The following ABI3BP variants were observed in gnomAD, a reference collection of about 807,000 sequenced individuals.
ABI3BP encodes the protein target of Nesh-SH3.
In ABI3BP, 216 loss-of-function variants were observed where a neutral mutation model predicts 268.6. The observed-to-expected ratio is 0.80, with a 90% CI of 0.72 to 0.90. The LOEUF (loss-of-function observed/expected upper bound fraction) is 0.90, where lower values mean the gene tolerates loss of function less well. ABI3BP is among the 40% of genes least tolerant of loss of function. The pLI, the probability that ABI3BP is intolerant of heterozygous loss-of-function variation, is 0.00. For missense variants in ABI3BP, 2,090 were observed against 2,182.4 expected (o/e 0.96, Z 0.84); for synonymous variants, 730 against 730.0 (o/e 1.00, Z 0.00).
At chr3:100,985,252 C>T (rs752338500) in intron 1 of ABI3BP, among the ~76,000 whole-genome samples, 27 of 148,404 alleles carry the variant, frequency 1.8e-4, no homozygotes, top group Non-Finnish European at 2.8e-4. Context: ...CGGGTTCAAG[C>T]GATTCTCCTG....
chr3:100,864,583 A>G, intron 11 of ABI3BP: 1 of 469,598 alleles, frequency 2.1e-6, no homozygotes, highest in Non-Finnish European at 3.8e-6. Flanking sequence ...CTGGTTAAAA[A>G]GGGCATTTAG....
intron 61 of ABI3BP, among the ~76,000 whole-genome samples, 160 bp downstream of exon 61, chr3:100,774,445 C>T (rs900731887): frequency 9.2e-5 from 14 of 152,140 alleles, no homozygotes; most frequent in African/African-American, 3.4e-4. Flanking sequence ...TATCCTAGAT[C>T]AGCTGACACC....
At chr3:100,867,430 A>G (rs2099063037) in intron 9 of ABI3BP, among the ~76,000 whole-genome samples, 2 of 151,944 alleles carry the variant, frequency 1.3e-5, no homozygotes, top group Non-Finnish European at 2.9e-5. Flanking sequence ...TCACGAGGTC[A>G]GGAGATTGAG....
intron 2 of ABI3BP, among the ~76,000 whole-genome samples, chr3:100,907,874 G>T (rs959927536): frequency 1.3e-5 from 2 of 152,100 alleles, no homozygotes; most frequent in Admixed American, 6.5e-5. Context: ...CCAGCACTTT[G>T]GGAGGCCTAG....
intron 1 of ABI3BP, among the ~76,000 whole-genome samples, chr3:100,989,430 T>C (rs1432261897): frequency 7.2e-5 from 11 of 152,208 alleles, no homozygotes; most frequent in Non-Finnish European, 7.3e-5. Context: ...TAGTTATTAA[T>C]AGCTATGGCA....
intron 55 of ABI3BP, among the ~76,000 whole-genome samples, chr3:100,792,440 T>G (rs2097221216): frequency 6.6e-6 from 1 of 151,694 alleles, no homozygotes; most frequent in Non-Finnish European, 1.5e-5. Flanking sequence ...GATCTTCCAC[T>G]CTTAGTTATA....
At chr3:100,798,726 T>A (rs919598051) in intron 51 of ABI3BP, among the ~76,000 whole-genome samples, 3 of 113,716 alleles carry the variant, frequency 2.6e-5, no homozygotes, top group Non-Finnish European at 4.6e-5. Context: ...AATGTTTTGA[T>A]AGAGTTAGAA....
Position 100,867,412 on chromosome 3 carries a change from C to A in ABI3BP, c.911-456G>T, listed in dbSNP as rs529761634. On this transcript the variant is annotated intron_variant, in intron 9 of 67. Coordinates refer to ENST00000471714, the MANE Select transcript of ABI3BP (RefSeq NM_001375547.2). ...ATCCCAGCACTTTGGGAGGCAGAGGCGGGTGGATCACGAGGTCAGGAGATT... is the reference window on the plus strand; with the variant it reads ...ATCCCAGCACTTTGGGAGGCAGAGGAGGGTGGATCACGAGGTCAGGAGATT... Among the ~76,000 whole-genome samples, 73 of 151,956 alleles carry A rather than the reference C, an allele frequency of 4.8e-4. No individual in the cohort carries two copies. In the South Asian group the frequency reaches 0.014, roughly 29 times the overall value.
At chr3:100,887,291 T>G (rs1165519130) in intron 4 of ABI3BP, among the ~76,000 whole-genome samples, 2 of 152,078 alleles carry the variant, frequency 1.3e-5, no homozygotes, top group Non-Finnish European at 2.9e-5. Context: ...CATGTATCAA[T>G]GTGGATAGAT....
chr3:100,961,334 A>C (rs12630679), intron 1 of ABI3BP, among the ~76,000 whole-genome samples: 46,013 of 152,120 alleles, frequency 0.3, 7,619 homozygotes, highest in East Asian at 0.5. Flanking sequence ...GCTCTCTCCC[A>C]GGGCTCAGGT....
At chr3:100,924,960 T>C (rs1217458988) in intron 2 of ABI3BP, among the ~76,000 whole-genome samples, 1 of 152,204 alleles carries the variant, frequency 6.6e-6, no homozygotes, top group Admixed American at 6.6e-5. Context: ...AACACACGGC[T>C]TCCGGTCACT....
At chr3:100,887,391 T>C (rs1314284071) in intron 4 of ABI3BP, among the ~76,000 whole-genome samples, 4 of 152,122 alleles carry the variant, frequency 2.6e-5, no homozygotes, top group Non-Finnish European at 4.4e-5. Flanking sequence ...GTATGAAATA[T>C]GTTACCAAAT....
At chr3:100,763,964 C>T (rs1165380660) in intron 63 of ABI3BP, among the ~76,000 whole-genome samples, 1 of 152,160 alleles carries the variant, frequency 6.6e-6, no homozygotes, top group African/African-American at 2.4e-5. Flanking sequence ...CAATTACCAC[C>T]CTTCAGAGTC....
chr3:100,821,811 C>T (rs1169947568), intron 38 of ABI3BP, among the ~76,000 whole-genome samples: 1 of 151,878 alleles, frequency 6.6e-6, no homozygotes, highest in East Asian at 1.9e-4. Flanking sequence ...CCATCTTGGC[C>T]AGGCTGGTCT....
chr3:100,778,704 C>A, intron 58 of ABI3BP: 11 of 241,416 alleles, frequency 4.6e-5, no homozygotes, highest in South Asian at 2.2e-4. Flanking sequence ...TTAAAAACCA[C>A]AATAAAAATA....
chr3:100,778,331 C>G lies in ABI3BP; in HGVS notation c.4286G>C (p.Arg1429Thr). The G allele has an allele frequency of 6.2e-7, 1 of 1,613,636 alleles. No homozygotes were observed. The highest frequency in any genetic ancestry group is 8.5e-7 in the Non-Finnish European group (1 of 1,179,766). The change falls in exon 59 of 68, where the codon AGA (arginine) becomes ACA (threonine). Residue 1429 changes from arginine (R) to threonine (T), a missense_variant. Physicochemically the swap from Arg to Thr is moderately conservative, Grantham distance 71. Transcript: ENST00000471714. The stretch of plus-strand genomic sequence containing the variant: ...GACATTATTTGGTGGTAAAGGTTTT[C>G]TTCGTGGGTGTGTAGGTCTGGGTGG... Reference protein sequence around the residue: ...PLPPRPTHPRRKPLPPNNVTG... With the variant: ...PLPPRPTHPRTKPLPPNNVTG...
At chr3:100,897,363 T>G (rs947350526) in intron 4 of ABI3BP, among the ~76,000 whole-genome samples, 2 of 152,088 alleles carry the variant, frequency 1.3e-5, no homozygotes, top group African/African-American at 4.8e-5. Flanking sequence ...CACCAAAATT[T>G]TATGCGAAAA....
At chr3:100,851,346 A>G (rs1443795285) in intron 15 of ABI3BP, among the ~76,000 whole-genome samples, 1 of 152,182 alleles carries the variant, frequency 6.6e-6, no homozygotes, top group East Asian at 1.9e-4. Flanking sequence ...AAGGTTTCTC[A>G]CGTTAGCACT....
chr3:100,774,173 A>G (rs1269536345), intron 61 of ABI3BP, among the ~76,000 whole-genome samples: 4 of 152,182 alleles, frequency 2.6e-5, no homozygotes, highest in African/African-American at 7.2e-5. Context: ...TTCTTCCCCA[A>G]TCCTTGATTT....
Sources: gnomAD v4.1 joint callset for allele counts (sites outside exome capture counted in the v4.1 genomes callset) on GRCh38, gnomAD v4.1.1 for gene constraint, MANE v1.5 for transcripts, NCBI Gene and HGNC (gene_info 2026-07-23, HGNC 2026-07-21) for gene names.